The following ABCC1 variants were observed in gnomAD, a reference collection of about 807,000 sequenced individuals.
ABCC1 encodes ATP binding cassette subfamily C member 1 (ABCC1 blood group).
A neutral mutation model predicts 172.9 loss-of-function variants in ABCC1; 83 were observed. That is an observed-to-expected ratio of 0.48 (90% CI 0.40 to 0.58). The LOEUF (loss-of-function observed/expected upper bound fraction) is 0.58. Ranked by LOEUF, ABCC1 falls within the 20% of genes least tolerant of loss-of-function variation. ABCC1 has a pLI of 0.00. For missense variants in ABCC1, 1,817 were observed against 2,002.7 expected (o/e 0.91, Z 1.77); for synonymous variants, 937 against 825.2 (o/e 1.14, Z -2.32).
intron 1 of ABCC1, among the ~76,000 whole-genome samples, chr16:15,983,056 A>G (rs773599253): frequency 6.6e-6 from 1 of 152,144 alleles, no homozygotes; most frequent in Non-Finnish European, 1.5e-5. Flanking sequence ...ATATTTGATG[A>G]AAAAATCTGA....
At chr16:16,070,358 ACT>A (rs751594603) in intron 13 of ABCC1, among the ~76,000 whole-genome samples, 47 of 147,148 alleles carry the variant, frequency 3.2e-4, no homozygotes, top group Non-Finnish European at 5.6e-4. Context: ...ACAGAGCAAG[ACT>A]CTGTCTCAAA....
At chr16:15,955,689 C>T (rs912166118) in intron 1 of ABCC1, among the ~76,000 whole-genome samples, 4 of 152,150 alleles carry the variant, frequency 2.6e-5, no homozygotes, top group South Asian at 2.1e-4. Context: ...TCAGGCATCC[C>T]GTTCTTTCCC....
chr16:15,981,838 T>C (rs1253898161), intron 1 of ABCC1, among the ~76,000 whole-genome samples: 2 of 152,216 alleles, frequency 1.3e-5, no homozygotes, highest in African/African-American at 4.8e-5. Flanking sequence ...ACCCTTCCAA[T>C]GTTTCAAACT....
chr16:15,974,617 C>T (rs1351144459), intron 1 of ABCC1, among the ~76,000 whole-genome samples: 2 of 151,994 alleles, frequency 1.3e-5, no homozygotes, highest in Non-Finnish European at 2.9e-5. Flanking sequence ...TCCTAGAGGC[C>T]AGTATTTATG....
intron 29 of ABCC1, among the ~76,000 whole-genome samples, chr16:16,137,399 G>A (rs548831738): frequency 5.3e-5 from 8 of 152,088 alleles, no homozygotes; most frequent in Admixed American, 2.0e-4. Context: ...GCACAAGAGC[G>A]TGCAAGCCCC....
chr16:16,116,651 C>T (rs547458296), intron 23 of ABCC1, among the ~76,000 whole-genome samples: 1 of 152,024 alleles, frequency 6.6e-6, no homozygotes, highest in Non-Finnish European at 1.5e-5. Flanking sequence ...CAACATCTGC[C>T]TCCCGGGTTC....
intron 19 of ABCC1, among the ~76,000 whole-genome samples, chr16:16,094,736 C>T (rs942097155): frequency 2.7e-5 from 4 of 150,142 alleles, no homozygotes; most frequent in Admixed American, 6.7e-5. Flanking sequence ...AGGATGGTCT[C>T]GATCTCTTGA....
intron 1 of ABCC1, among the ~76,000 whole-genome samples, chr16:15,994,752 T>C (rs1028393089): frequency 6.6e-6 from 1 of 151,882 alleles, no homozygotes; most frequent in Non-Finnish European, 1.5e-5. Flanking sequence ...TTAGCTTTTT[T>C]TCTTTCTTTT....
At chr16:15,961,370 A>T (rs555357647) in intron 1 of ABCC1, among the ~76,000 whole-genome samples, 2 of 152,294 alleles carry the variant, frequency 1.3e-5, no homozygotes, top group South Asian at 2.1e-4. Flanking sequence ...TTAAAACAAG[A>T]TGTTGTTGAA....
chr16:16,083,589 G>A (rs369096172), intron 17 of ABCC1, 47 bp downstream of exon 17: 127 of 1,584,806 alleles, frequency 8.0e-5, no homozygotes, highest in Middle Eastern at 2.2e-4. Context: ...AGCTGTTGCC[G>A]CGTAACAAAT....
At chr16:16,060,958 A>G (rs2049883076) in intron 12 of ABCC1, among the ~76,000 whole-genome samples, 1 of 152,114 alleles carries the variant, frequency 6.6e-6, no homozygotes, top group African/African-American at 2.4e-5. Flanking sequence ...CTGGGATTAC[A>G]GGCGCCTACT....
chr16:16,091,929 T>C (rs2051272609), intron 19 of ABCC1, among the ~76,000 whole-genome samples: 2 of 152,216 alleles, frequency 1.3e-5, no homozygotes, highest in African/African-American at 4.8e-5. Context: ...TAATAAGTGC[T>C]TTCTTGAGAT....
At chr16:16,089,800 G>T (rs975361700) in intron 18 of ABCC1, among the ~76,000 whole-genome samples, 4 of 150,530 alleles carry the variant, frequency 2.7e-5, no homozygotes, top group Admixed American at 6.6e-5. Context: ...GGAATTGCTT[G>T]AACCCGGGAG....
intron 18 of ABCC1, among the ~76,000 whole-genome samples, chr16:16,087,229 G>C (rs907146089): frequency 6.6e-6 from 1 of 152,148 alleles, no homozygotes; most frequent in Non-Finnish European, 1.5e-5. Flanking sequence ...CATGGCCAAG[G>C]GAGGCCTCTC....
chr16:16,045,048 A>AGG (rs1391345778), intron 8 of ABCC1, among the ~76,000 whole-genome samples: 1 of 152,128 alleles, frequency 6.6e-6, no homozygotes, highest in African/African-American at 2.4e-5. Flanking sequence ...CCAAATGGGG[A>AGG]GGATATGGCA....
rs2045690810 is a variant in ABCC1 at position 16,131,911 on chromosome 16, T to C, written c.3942T>C (p.Asn1314=). 5 of 1,613,904 alleles carry C rather than the reference T, an allele frequency of 3.1e-6. No individual in the cohort carries two copies. The East Asian group carries it at 6.7e-5, about 22-fold the overall frequency. The change falls in exon 27 of 31, where the codon AAT becomes AAC. Residue 1314 remains asparagine, a synonymous_variant. Transcript: ENST00000399410. Reference sequence around the variant, plus strand: ...TGGACTTCGTTCTCAGGCACATCAATGTCACGATCAATGGGGGAGAAAAGG... The same window carrying C: ...TGGACTTCGTTCTCAGGCACATCAACGTCACGATCAATGGGGGAGAAAAGG... ...EDLDFVLRHI[N]VTINGGEKVG...
chr16:16,127,325 G>T (rs2045483671), intron 26 of ABCC1, among the ~76,000 whole-genome samples: 1 of 152,096 alleles, frequency 6.6e-6, no homozygotes, highest in African/African-American at 2.4e-5. Context: ...TCCTACCTCT[G>T]CCTCCTGAGT....
intron 29 of ABCC1, among the ~76,000 whole-genome samples, chr16:16,137,109 C>T (rs2045943813): frequency 6.6e-6 from 1 of 152,184 alleles, no homozygotes; most frequent in Non-Finnish European, 1.5e-5. Context: ...TTGTTAGTGC[C>T]TGGTTCTGGT....
At chr16:16,002,347 C>T (rs960130586) in intron 1 of ABCC1, among the ~76,000 whole-genome samples, 2 of 152,106 alleles carry the variant, frequency 1.3e-5, no homozygotes, top group Non-Finnish European at 1.5e-5. Context: ...ACATAAGCAA[C>T]CCATGATCAT....
Sources: allele counts gnomAD v4.1 joint callset (sites outside exome capture counted in the v4.1 genomes callset), GRCh38; gene constraint gnomAD v4.1.1; transcripts MANE v1.5; gene names NCBI Gene and HGNC (gene_info 2026-07-23, HGNC 2026-07-21).